APAF1: variants seen among roughly 807,000 people sequenced by gnomAD.
The protein encoded by APAF1 is apoptotic protease-activating factor 1.
APAF1 carries 91 observed loss-of-function variants against 152.4 expected under a neutral mutation model. The observed-to-expected ratio is 0.60, with a 90% CI of 0.50 to 0.71. APAF1 has a LOEUF of 0.71. Ranked by LOEUF, APAF1 falls within the 30% of genes least tolerant of loss-of-function variation. APAF1 has a pLI of 0.00. For synonymous variants in APAF1, 484 were observed against 494.1 expected (o/e 0.98, Z 0.27); for missense variants, 1,283 against 1,472.0 (o/e 0.87, Z 2.10).
intron 11 of APAF1, 71 bp downstream of exon 11, chr12:98,671,157 T>A: frequency 2.0e-6 from 2 of 978,186 alleles, no homozygotes; most frequent in Non-Finnish European, 3.2e-6. Context: ...ATTCTAGATT[T>A]AATGATGGGA....
chr12:98,661,489 T>C (rs562563854), intron 5 of APAF1, among the ~76,000 whole-genome samples: 39 of 152,232 alleles, frequency 2.6e-4, no homozygotes, highest in African/African-American at 8.9e-4. Flanking sequence ...TTATTTTTAT[T>C]TTTTTAGATG....
chr12:98,698,919 T>G (rs2097712408), intron 16 of APAF1, among the ~76,000 whole-genome samples: 1 of 152,242 alleles, frequency 6.6e-6, no homozygotes, highest in Non-Finnish European at 1.5e-5. Context: ...ACAAAGAGTC[T>G]TGCTTGTCCC....
At chr12:98,694,816 T>C (rs930420047) in intron 16 of APAF1, among the ~76,000 whole-genome samples, 3 of 152,090 alleles carry the variant, frequency 2.0e-5, no homozygotes, top group Admixed American at 2.0e-4. Flanking sequence ...ACAAGTTGAA[T>C]GGGAATTGTG....
In APAF1 at chr12:98,665,808, TCCTC is replaced by T; in HGVS notation, c.1194+18_1194+21del. ...CCTACAAAGGTAATGGGATCAATGA[TCCTC>T]ATCATTGGGTATTTATTGCATGTAA... is the stretch of plus-strand genomic sequence containing the variant. On this transcript the variant is annotated intron_variant, in intron 8 of 26. Coordinates refer to ENST00000551964, the MANE Select transcript of APAF1 (RefSeq NM_181861.2). The T allele has an allele frequency of 1.9e-6, 3 of 1,549,628 alleles. No homozygotes were observed. Among genetic ancestry groups the T allele is most frequent in the Non-Finnish European group, 2.7e-6 (3 of 1,121,390 alleles).
chr12:98,686,807 C>G lies in APAF1; in HGVS notation c.2238C>G (p.Val746=). 1 of 1,613,726 alleles carries G rather than the reference C, an allele frequency of 6.2e-7. No homozygotes were observed. The change falls in exon 16 of 27, where the codon GTC becomes GTG. Residue 746 remains valine, a synonymous_variant. Transcript: ENST00000551964. ...RNTMFGHTNS[V]NHCRFSPDDK... ...CCATGTTTGGTCATACAAATTCAGT[C>G]AATCACTGCAGATTTTCACCAGATG...
intron 1 of APAF1, among the ~76,000 whole-genome samples, chr12:98,647,271 A>G (rs1317947522): frequency 1.3e-5 from 2 of 150,808 alleles, no homozygotes; most frequent in African/African-American, 4.8e-5. Flanking sequence ...AAAAAAAAAT[A>G]AGACAAGGTG....
chr12:98,703,592 C>A (rs1368058366), intron 18 of APAF1, 93 bp downstream of exon 18: 2 of 1,506,686 alleles, frequency 1.3e-6, no homozygotes, highest in African/African-American at 1.4e-5. Flanking sequence ...TGCTGAGGAG[C>A]CTTGCTTGAG....
chr12:98,667,765 A>ATTTTT lies in APAF1; in HGVS notation c.1494+141_1494+145dup, dbSNP rs71305589. 9.6e-4 allele frequency: 308 copies of ATTTTT among 322,360 alleles called. 5 individuals are homozygous for ATTTTT. Among genetic ancestry groups the ATTTTT allele is most frequent in the East Asian group, 1.6e-3 (20 of 12,616 alleles). The allele number at this position is 322,360 out of a possible 1,614,324, so 20.0% of individuals were successfully genotyped here. ...TTTTGTTCATATTGCTTTCCATTTG[A>ATTTTT]TTTTTTTTTTTTTTTTTTTTTTTTG... On this transcript the variant is annotated intron_variant, in intron 10 of 26. Coordinates refer to ENST00000551964, the MANE Select transcript of APAF1 (RefSeq NM_181861.2).
chr12:98,675,180 A>G (rs759340274), intron 12 of APAF1, among the ~76,000 whole-genome samples: 14 of 152,210 alleles, frequency 9.2e-5, no homozygotes, highest in African/African-American at 3.4e-4. Flanking sequence ...GGTGTTTACT[A>G]TAGAAAGGTT....
At chr12:98,696,070 A>G (rs939583138) in intron 16 of APAF1, among the ~76,000 whole-genome samples, 4 of 151,868 alleles carry the variant, frequency 2.6e-5, no homozygotes, top group Non-Finnish European at 4.4e-5. Context: ...TCCTATTACT[A>G]TTGTTTACCT....
intron 16 of APAF1, among the ~76,000 whole-genome samples, chr12:98,696,921 C>G (rs2097710590): frequency 6.6e-6 from 1 of 152,178 alleles, no homozygotes; most frequent in South Asian, 2.1e-4. Flanking sequence ...CTGTTCTGAA[C>G]TGTTCAGAAT....
At chr12:98,671,757 G>T in intron 12 of APAF1, 38 bp downstream of exon 12, 1 of 1,578,136 alleles carries the variant, frequency 6.3e-7, no homozygotes, top group Non-Finnish European at 8.7e-7. Context: ...GGAGTGGTGC[G>T]CTAACTATAT....
At chr12:98,721,400 G>A (rs2097742541) in intron 22 of APAF1, among the ~76,000 whole-genome samples, 2 of 152,196 alleles carry the variant, frequency 1.3e-5, no homozygotes, top group Admixed American at 1.3e-4. Context: ...CTGTAAACTA[G>A]GAGGAGCTGT....
intron 25 of APAF1, 48 bp from the exon 26 acceptor site, chr12:98,727,125 A>G (rs576621437): frequency 1.3e-6 from 2 of 1,583,308 alleles, no homozygotes; most frequent in Admixed American, 3.3e-5. Flanking sequence ...AAAACCAGAG[A>G]AGCTTCTGGA....
chr12:98,646,970 A>G (rs542429488), intron 1 of APAF1, among the ~76,000 whole-genome samples: 4 of 152,196 alleles, frequency 2.6e-5, no homozygotes, highest in Admixed American at 1.3e-4. Context: ...CTAATACTCA[A>G]TAGTAACAAT....
chr12:98,727,331 A>G lies in APAF1; in HGVS notation c.3600+15A>G. On this transcript the variant is annotated intron_variant, in intron 26 of 26. Coordinates refer to ENST00000551964, the MANE Select transcript of APAF1 (RefSeq NM_181861.2). ...GATATATTAAGGTAAGAGTTCCCCA[A>G]GAACTGTGAAAGAAAATAATAGCCT... 1.2e-6 allele frequency: 2 copies of G among 1,613,730 alleles called. No homozygotes were observed. The highest frequency in any genetic ancestry group is 1.7e-6 in the Non-Finnish European group (2 of 1,179,742).
At chr12:98,667,858 C>T (rs528681150) in intron 10 of APAF1, among the ~76,000 whole-genome samples, 1 of 146,210 alleles carries the variant, frequency 6.8e-6, no homozygotes, top group East Asian at 2.2e-4. Flanking sequence ...TACACCCTCA[C>T]CTCCTGGGCT....
intron 4 of APAF1, among the ~76,000 whole-genome samples, chr12:98,651,820 ATTAT>A (rs1423130954): frequency 6.6e-6 from 1 of 151,608 alleles, no homozygotes; most frequent in Non-Finnish European, 1.5e-5. Context: ...TGCCTGGCTA[ATTAT>A]TTATTTATGA....
At chr12:98,702,956 T>C (rs986171764) in intron 17 of APAF1, among the ~76,000 whole-genome samples, 13 of 151,948 alleles carry the variant, frequency 8.6e-5, no homozygotes, top group African/African-American at 2.9e-4. Context: ...TAGAGAGAAA[T>C]AAAAATGACT....
Sources: gnomAD v4.1 joint callset for allele counts (sites outside exome capture counted in the v4.1 genomes callset) on GRCh38, gnomAD v4.1.1 for gene constraint, MANE v1.5 for transcripts, NCBI Gene and HGNC (gene_info 2026-07-23, HGNC 2026-07-21) for gene names.